The following LRRC1 variants were observed in gnomAD, a reference collection of about 807,000 sequenced individuals.
LRRC1 encodes leucine rich repeat containing 1, also known as leucine-rich repeat-containing protein 1.
In LRRC1, 28 loss-of-function variants were observed where a neutral mutation model predicts 69.9. The observed-to-expected ratio is 0.40, with a 90% confidence interval of 0.30 to 0.55. LRRC1 has a LOEUF of 0.55. Ranked by LOEUF, LRRC1 falls within the 20% of genes least tolerant of loss-of-function variation. LRRC1 has a pLI of 0.47. For synonymous variants in LRRC1, 236 were observed against 240.2 expected, an observed-to-expected ratio of 0.98 and a Z score of 0.16; for missense variants, 498 against 609.0, an observed-to-expected ratio of 0.82 and a Z score of 1.92.
chr6:53,856,889 T>C (rs1450586474), intron 2 of LRRC1, among the ~76,000 whole-genome samples: 3 of 152,074 alleles, frequency 2.0e-5, no homozygotes, highest in Non-Finnish European at 4.4e-5. Context: ...AGAGAAGATC[T>C]TGGACCAGGC....
intron 2 of LRRC1, among the ~76,000 whole-genome samples, chr6:53,850,257 C>T (rs1222109672): frequency 6.6e-6 from 1 of 152,008 alleles, no homozygotes; most frequent in Non-Finnish European, 1.5e-5. Flanking sequence ...GGATCAGTAG[C>T]AACTGATGTG....
chr6:53,884,910 T>G (rs1767423940), intron 4 of LRRC1, among the ~76,000 whole-genome samples: 1 of 152,212 alleles, frequency 6.6e-6, no homozygotes, highest in Non-Finnish European at 1.5e-5. Context: ...TTGTTTTGTT[T>G]GTGGACTTAA....
intron 3 of LRRC1, among the ~76,000 whole-genome samples, chr6:53,879,947 T>A (rs981999071): frequency 6.6e-6 from 1 of 152,194 alleles, no homozygotes; most frequent in Non-Finnish European, 1.5e-5. Context: ...CTGTTTTAGA[T>A]GTCTCTTTGG....
intron 6 of LRRC1, 91 bp downstream of exon 6, chr6:53,896,983 C>A: frequency 1.2e-6 from 1 of 816,958 alleles, no homozygotes; most frequent in Non-Finnish European, 2.0e-6. Flanking sequence ...TTTATGAAGC[C>A]AGTATTTCCA....
At chr6:53,804,515 G>T (rs937929872) in intron 1 of LRRC1, among the ~76,000 whole-genome samples, 1 of 152,136 alleles carries the variant, frequency 6.6e-6, no homozygotes, top group African/African-American at 2.4e-5. Flanking sequence ...TTTGCTGCTT[G>T]TTCTTTTTAC....
At chr6:53,877,023 G>T (rs1363317512) in intron 2 of LRRC1, among the ~76,000 whole-genome samples, 4 of 152,174 alleles carry the variant, frequency 2.6e-5, no homozygotes, top group Admixed American at 1.3e-4. Flanking sequence ...CGAGGGCCTT[G>T]CCCCTGAAGC....
At chr6:53,866,611 G>A (rs1185979045) in intron 2 of LRRC1, among the ~76,000 whole-genome samples, 1 of 152,114 alleles carries the variant, frequency 6.6e-6, no homozygotes, top group East Asian at 1.9e-4. Context: ...ATTATTTGGG[G>A]GGGATTCATG....
At chr6:53,859,530 C>T (rs887648673) in intron 2 of LRRC1, among the ~76,000 whole-genome samples, 28 of 152,078 alleles carry the variant, frequency 1.8e-4, no homozygotes, top group Admixed American at 1.4e-3. Flanking sequence ...GCATTTAGAC[C>T]GAAAGGATGT....
intron 2 of LRRC1, among the ~76,000 whole-genome samples, chr6:53,854,383 G>A (rs1336402555): frequency 1.3e-5 from 2 of 152,166 alleles, no homozygotes; most frequent in Non-Finnish European, 2.9e-5. Flanking sequence ...CATGTTCTTT[G>A]TTGAGAATTA....
intron 4 of LRRC1, among the ~76,000 whole-genome samples, chr6:53,892,767 G>A (rs1699831064): frequency 1.3e-5 from 2 of 152,222 alleles, no homozygotes; most frequent in South Asian, 4.1e-4. Flanking sequence ...ACCATGTTCT[G>A]GAGTGGGCTG....
chr6:53,916,727 G>T (rs1372706637), intron 11 of LRRC1, among the ~76,000 whole-genome samples: 1 of 152,108 alleles, frequency 6.6e-6, no homozygotes, highest in Non-Finnish European at 1.5e-5. Context: ...GTAGAAAGTA[G>T]CAGAAAGATG....
intron 1 of LRRC1, among the ~76,000 whole-genome samples, chr6:53,795,824 A>G (rs1764282614): frequency 6.6e-6 from 1 of 152,050 alleles, no homozygotes; most frequent in African/African-American, 2.4e-5. Flanking sequence ...TTCCCCCACC[A>G]AGGGCCGGGC....
intron 1 of LRRC1, among the ~76,000 whole-genome samples, chr6:53,836,100 G>A (rs1014320094): frequency 1.3e-5 from 2 of 152,188 alleles, no homozygotes; most frequent in Non-Finnish European, 2.9e-5. Context: ...TCTAGCTTAA[G>A]GGAGGAGGAC....
At chr6:53,824,207 C>A (rs1237263819) in intron 1 of LRRC1, among the ~76,000 whole-genome samples, 2 of 151,356 alleles carry the variant, frequency 1.3e-5, no homozygotes. Context: ...GAGATGGTCT[C>A]TTATTATTGT....
chr6:53,842,439 A>G (rs941002597), intron 2 of LRRC1, among the ~76,000 whole-genome samples: 9 of 152,228 alleles, frequency 5.9e-5, no homozygotes, highest in Admixed American at 3.9e-4. Flanking sequence ...TGGGAAAACT[A>G]TATGATTCTT....
At chr6:53,860,131 A>T (rs1481992343) in intron 2 of LRRC1, among the ~76,000 whole-genome samples, 2 of 152,222 alleles carry the variant, frequency 1.3e-5, no homozygotes, top group Admixed American at 6.5e-5. Context: ...CAGCTGAAAC[A>T]CACTATATAT....
chr6:53,818,178 A>G lies in LRRC1; in HGVS notation c.159+22763A>G, dbSNP rs576297694. 2.8e-3 allele frequency among the ~76,000 whole-genome samples: 419 copies of G among 152,334 alleles called. 3 individuals are homozygous for G. Among genetic ancestry groups the G allele is most frequent in the African/African-American group, 9.5e-3 (395 of 41,574 alleles). On this transcript the variant is annotated intron_variant, in intron 1 of 13. Transcript: ENST00000370888. ...AATCTATATTAATGCTTGTATACACACAGGCTATCTTTTAAAAAATCTACC... is the reference window on the plus strand; with the variant it reads ...AATCTATATTAATGCTTGTATACACGCAGGCTATCTTTTAAAAAATCTACC...
At chr6:53,873,621 A>C (rs1415572115) in intron 2 of LRRC1, among the ~76,000 whole-genome samples, 1 of 152,000 alleles carries the variant, frequency 6.6e-6, no homozygotes, top group African/African-American at 2.4e-5. Context: ...TGATTTTTCT[A>C]TGTTGAATTT....
intron 1 of LRRC1, among the ~76,000 whole-genome samples, chr6:53,821,839 C>T (rs1765123494): frequency 6.6e-6 from 1 of 150,820 alleles, no homozygotes; most frequent in Admixed American, 6.6e-5. Flanking sequence ...TGGAAAGGAC[C>T]TGAAGGTTAA....
Sources: allele counts gnomAD v4.1 joint callset (sites outside exome capture counted in the v4.1 genomes callset), GRCh38; gene constraint gnomAD v4.1.1; transcripts MANE v1.5; gene names NCBI Gene and HGNC (gene_info 2026-07-23, HGNC 2026-07-21).